PRKCH: variants seen among roughly 807,000 people sequenced by gnomAD.
The protein encoded by PRKCH is protein kinase C eta, also known as protein kinase C eta type.
A neutral mutation model predicts 82.5 loss-of-function variants in PRKCH; 28 were observed. The observed-to-expected ratio is 0.34, with a 90% CI of 0.25 to 0.47. PRKCH has a LOEUF of 0.47. PRKCH is among the 20% of genes least tolerant of loss of function. PRKCH has a pLI of 1.00. For synonymous variants in PRKCH, 322 were observed against 327.4 expected (o/e 0.98, Z 0.18); for missense variants, 705 against 881.8 (o/e 0.80, Z 2.54).
chr14:61,470,547 G>T (rs1885455808), intron 9 of PRKCH, among the ~76,000 whole-genome samples: 1 of 151,928 alleles, frequency 6.6e-6, no homozygotes, highest in Admixed American at 6.5e-5. Flanking sequence ...CCCCTTTTTT[G>T]CTGGAGGGCT....
At chr14:61,335,618 A>G (rs984679486) in intron 1 of PRKCH, among the ~76,000 whole-genome samples, 7 of 152,192 alleles carry the variant, frequency 4.6e-5, no homozygotes, top group Non-Finnish European at 8.8e-5. Context: ...GATATAATTG[A>G]TTCTTGCTTA....
At chr14:61,289,696 G>A (rs1236669697) in intron 1 of PRKCH, among the ~76,000 whole-genome samples, 1 of 152,196 alleles carries the variant, frequency 6.6e-6, no homozygotes, top group Non-Finnish European at 1.5e-5. Context: ...GGCAGAGTGA[G>A]ACCCTGTCTC....
rs561340257 is a variant in PRKCH at position 61,207,963 on chromosome 14, G to A, written c.-19+20295G>A. On this transcript the variant is annotated intron_variant, in intron 1 of 3. Coordinates refer to the PRKCH transcript ENST00000555185. ...CCCAGCCTGACATGGACATTAGTCC[G>A]GTAAAGAACAAGCAAATACCAAATG... is the stretch of plus-strand genomic sequence containing the variant. Among the ~76,000 whole-genome samples, 24 of 152,294 alleles carry A rather than the reference G, an allele frequency of 1.6e-4. No homozygotes were observed. In the South Asian group the frequency reaches 4.4e-3, roughly 28 times the overall value.
intron 1 of PRKCH, among the ~76,000 whole-genome samples, chr14:61,287,605 G>C (rs1253142546): frequency 1.3e-5 from 2 of 152,096 alleles, no homozygotes; most frequent in Non-Finnish European, 2.9e-5. Flanking sequence ...AGCCTCTTGG[G>C]AAGCCGAGGC....
intron 1 of PRKCH, among the ~76,000 whole-genome samples, chr14:61,301,118 T>A (rs1018890079): frequency 1.3e-5 from 2 of 152,182 alleles, no homozygotes; most frequent in African/African-American, 4.8e-5. Flanking sequence ...CCTATTAAAC[T>A]TCTGCTCTTA....
chr14:61,280,372 A>G lies in PRKCH; in HGVS notation c.-19+92704A>G. The G allele has an allele frequency of 6.2e-7, 1 of 1,613,962 alleles. No individual in the cohort carries two copies. Among genetic ancestry groups the G allele is most frequent in the South Asian group, 1.1e-5 (1 of 91,082 alleles). On this transcript the variant is annotated intron_variant, in intron 1 of 3. Transcript: ENST00000555185. The surrounding 1 kb of genome is among the most constrained non-coding windows in gnomAD (Gnocchi z 5.0). ...CGCGTACAGTTTGCGGAACGTGGGC[A>G]GCGCCGCCGTGCGCATCCACACCAC...
intron 2 of PRKCH, among the ~76,000 whole-genome samples, chr14:61,398,628 A>G (rs2046819782): frequency 6.6e-6 from 1 of 152,192 alleles, no homozygotes; most frequent in African/African-American, 2.4e-5. Flanking sequence ...CAAAAAGTAG[A>G]GGTAGTTTTG....
At chr14:61,408,848 G>A (rs965950262) in intron 2 of PRKCH, among the ~76,000 whole-genome samples, 5 of 152,130 alleles carry the variant, frequency 3.3e-5, no homozygotes, top group African/African-American at 1.2e-4. Flanking sequence ...CCGGATAGAC[G>A]TCATATTCTA....
At chr14:61,523,746 A>G (rs774021661) in intron 10 of PRKCH, among the ~76,000 whole-genome samples, 2 of 152,262 alleles carry the variant, frequency 1.3e-5, no homozygotes, top group Non-Finnish European at 2.9e-5. Flanking sequence ...TATGCTGACA[A>G]TCATAAATTG....
At chr14:61,472,267 A>C (rs1465485447) in intron 9 of PRKCH, among the ~76,000 whole-genome samples, 1 of 152,250 alleles carries the variant, frequency 6.6e-6, no homozygotes, top group Non-Finnish European at 1.5e-5. Flanking sequence ...TTTAAAAAGC[A>C]AGCAGTACAA....
chr14:61,482,941 T>C (rs989018440), intron 9 of PRKCH, among the ~76,000 whole-genome samples: 1 of 152,228 alleles, frequency 6.6e-6, no homozygotes, highest in Admixed American at 6.5e-5. Flanking sequence ...GCGCCACTTA[T>C]AGCAGCCTAA....
At chr14:61,196,073 G>A (rs6573364) in intron 1 of PRKCH, among the ~76,000 whole-genome samples, 6,823 of 152,110 alleles carry the variant, frequency 0.045, 537 homozygotes, top group African/African-American at 0.15. Flanking sequence ...AGACAACATG[G>A]GTTGTTGAAA....
intron 12 of PRKCH, among the ~76,000 whole-genome samples, chr14:61,535,774 A>G (rs2043100012): frequency 1.3e-5 from 2 of 152,208 alleles, no homozygotes; most frequent in East Asian, 1.9e-4. Context: ...AGACTGGAGT[A>G]TTTGCTGATT....
At chr14:61,333,906 T>G (rs2045820518) in intron 1 of PRKCH, among the ~76,000 whole-genome samples, 2 of 152,316 alleles carry the variant, frequency 1.3e-5, no homozygotes, top group South Asian at 4.1e-4. Context: ...TGGTGAGGCC[T>G]GCCTGATCCT....
At chr14:61,201,468 G>A (rs758162081) in intron 1 of PRKCH, among the ~76,000 whole-genome samples, 6 of 151,910 alleles carry the variant, frequency 3.9e-5, no homozygotes, top group Admixed American at 1.3e-4. Flanking sequence ...TATTATAAAC[G>A]CTTTTTTGAT....
At chr14:61,482,792 C>T (rs140892929) in intron 9 of PRKCH, among the ~76,000 whole-genome samples, 65 of 152,334 alleles carry the variant, frequency 4.3e-4, no homozygotes, top group East Asian at 1.7e-3. Flanking sequence ...GAGAATCTGC[C>T]TCCAGGGCTG....
rs143431090 is a variant in PRKCH at position 61,528,232 on chromosome 14, C to T, written c.1434-843C>T. Among the ~76,000 whole-genome samples the T allele has an allele frequency of 4.6e-3, 703 of 151,820 alleles. 4 individuals are homozygous for T. Among genetic ancestry groups the T allele is most frequent in the African/African-American group, 0.016 (649 of 41,438 alleles). On this transcript the variant is annotated intron_variant, in intron 10 of 13. Transcript: ENST00000332981. The stretch of plus-strand genomic sequence containing the variant: ...TTTTAGAGACAGGGTCTCACCCTGT[C>T]GCCCAGGCTGGAGTTCAGTGATGCA...
chr14:61,520,315 C>T (rs2042888151), intron 10 of PRKCH, among the ~76,000 whole-genome samples: 1 of 151,944 alleles, frequency 6.6e-6, no homozygotes, highest in African/African-American at 2.4e-5. Flanking sequence ...TTTCTTTATC[C>T]CTCTCTGTCA....
intron 10 of PRKCH, among the ~76,000 whole-genome samples, chr14:61,516,793 A>G (rs756450187): frequency 2.6e-5 from 4 of 152,222 alleles, no homozygotes; most frequent in Non-Finnish European, 5.9e-5. Context: ...TTGACATTCT[A>G]GAGATAATAT....
Sources: allele counts gnomAD v4.1 joint callset (sites outside exome capture counted in the v4.1 genomes callset), GRCh38; gene constraint gnomAD v4.1.1; non-coding constraint Gnocchi (gnomAD v3.1); transcripts MANE v1.5; gene names NCBI Gene and HGNC (gene_info 2026-07-23, HGNC 2026-07-21).